Variants in ZNF366 observed in about 807,000 individuals in gnomAD.
ZNF366 encodes the protein zinc finger protein 366, also known as dendritic cell-specific transcript protein.
A neutral mutation model predicts 47.2 loss-of-function variants in ZNF366; 20 were observed. That is an observed-to-expected ratio of 0.42 (90% confidence interval 0.30 to 0.62). The LOEUF (loss-of-function observed/expected upper bound fraction) is 0.62, where lower values mean the gene tolerates loss of function less well. ZNF366 is among the 20% of genes least tolerant of loss of function. The probability of loss-of-function intolerance (pLI) is 0.16; values close to 1 mark genes in which losing one functional copy is unlikely to be tolerated. For synonymous variants in ZNF366, 421 were observed against 395.1 expected, an observed-to-expected ratio of 1.07 and a Z score of -0.78; for missense variants, 987 against 976.3, an observed-to-expected ratio of 1.01 and a Z score of -0.15.
chr5:72,455,885 T>C (rs1419925953), intron 3 of ZNF366, among the ~76,000 whole-genome samples: 1 of 151,980 alleles, frequency 6.6e-6, no homozygotes, highest in Non-Finnish European at 1.5e-5. Flanking sequence ...CCTCTCACCG[T>C]CTCTAGGAGG....
chr5:72,478,468 G>A (rs1262347320), intron 1 of ZNF366, among the ~76,000 whole-genome samples: 2 of 152,192 alleles, frequency 1.3e-5, no homozygotes, highest in East Asian at 3.9e-4. Flanking sequence ...GTGAGTAAGT[G>A]GCTGAGCTGG....
rs1322985760 is a variant in ZNF366 at position 72,443,900 on chromosome 5, A to G, written c.2091T>C (p.Asp697=). The change falls in exon 5 of 5, where the codon GAT becomes GAC. Residue 697 remains aspartate, a synonymous_variant. Transcript: ENST00000318442. ...GGQERDCAGR[D]ECLSLRAFQS... is the part of the protein sequence containing the mutation. ...GAAAAGCCCTGAGACTGAGACACTC[A>G]TCTCTGCCGGCACAGTCTCTCTCCT... 1 of 1,614,106 alleles carries G rather than the reference A, an allele frequency of 6.2e-7. No homozygotes were observed. The highest frequency in any genetic ancestry group is 1.7e-5 in the Admixed American group (1 of 60,012).
intron 1 of ZNF366, among the ~76,000 whole-genome samples, chr5:72,499,555 A>G (rs1389366577): frequency 4.1e-5 from 6 of 147,998 alleles, no homozygotes; most frequent in African/African-American, 7.5e-5. Flanking sequence ...TAAGCATAGA[A>G]CTCTTTGGTA....
At chr5:72,493,701 T>C (rs1232514332) in intron 1 of ZNF366, 1 of 152,136 alleles carries the variant, frequency 6.6e-6, no homozygotes, top group African/African-American at 2.4e-5. Context: ...ACATTACTAA[T>C]AAGTTAGAAA....
intron 3 of ZNF366, among the ~76,000 whole-genome samples, chr5:72,453,765 A>C (rs1743125752): frequency 6.6e-6 from 1 of 152,152 alleles, no homozygotes; most frequent in African/African-American, 2.4e-5. Flanking sequence ...GAAGACCCTG[A>C]CTGTATGCTT....
intron 1 of ZNF366, among the ~76,000 whole-genome samples, chr5:72,469,192 G>A (rs936093193): frequency 1.2e-4 from 18 of 152,058 alleles, no homozygotes; most frequent in Non-Finnish European, 4.4e-5. Flanking sequence ...AGCCATCTGT[G>A]GAAGGAGCCT....
intron 1 of ZNF366, among the ~76,000 whole-genome samples, chr5:72,464,651 A>T (rs775586666): frequency 2.4e-4 from 36 of 152,206 alleles, no homozygotes; most frequent in Non-Finnish European, 4.4e-5. Flanking sequence ...ACGTATCTTA[A>T]TGTCATAATA....
At chr5:72,450,968 G>A (rs544261400) in intron 3 of ZNF366, among the ~76,000 whole-genome samples, 55 of 152,334 alleles carry the variant, frequency 3.6e-4, no homozygotes, top group African/African-American at 1.3e-3. Context: ...GGGGATGGGA[G>A]TTAGACGAGA....
intron 1 of ZNF366, among the ~76,000 whole-genome samples, chr5:72,469,672 A>G (rs1342206299): frequency 1.3e-5 from 2 of 152,204 alleles, no homozygotes; most frequent in Admixed American, 1.3e-4. Flanking sequence ...GCATTAAGTT[A>G]TCCTTCAAGG....
At chr5:72,505,298 C>T (rs946077164) in intron 1 of ZNF366, among the ~76,000 whole-genome samples, 6 of 152,166 alleles carry the variant, frequency 3.9e-5, no homozygotes, top group Admixed American at 6.5e-5. Context: ...TGAAACTAGT[C>T]GATGGCTTTT....
Position 72,443,544 on chromosome 5 carries a change from T to A in ZNF366, c.*212A>T, listed in dbSNP as rs566301102. 1.9e-6 allele frequency: 1 copy of A among 529,758 alleles called. No homozygotes were observed. The highest frequency in any genetic ancestry group is 3.1e-5 in the South Asian group (1 of 32,522). The allele number at this position is 529,758 out of a possible 1,614,324, so 32.8% of individuals were successfully genotyped here. ...ATACTGGCAATGCATAAAACGCCAC[T>A]GATGAAGACCCTGCACATGTGTGAA... On this transcript the variant is annotated 3_prime_UTR_variant, in exon 5 of 5. Coordinates refer to ENST00000318442, the MANE Select transcript of ZNF366 (RefSeq NM_152625.3).
chr5:72,443,964 TCC>T lies in ZNF366; in HGVS notation c.2025_2026del (p.Trp675Ter). The stretch of plus-strand genomic sequence containing the variant: ...CCCAAGGTCACCCTTGCTCCTCTTC[TCC>T]CATTCTCCCTTGGATGCATCCTCCT... On this transcript the variant is annotated stop_gained and frameshift_variant, in exon 5 of 5. Coordinates refer to ENST00000318442, the MANE Select transcript of ZNF366 (RefSeq NM_152625.3). LOFTEE classifies it high-confidence loss of function. 6.2e-7 allele frequency: 1 copy of T among 1,614,138 alleles called. No individual in the cohort carries two copies. Among genetic ancestry groups the T allele is most frequent in the Non-Finnish European group, 8.5e-7 (1 of 1,180,010 alleles).
At chr5:72,470,580 G>T (rs187040363) in intron 1 of ZNF366, among the ~76,000 whole-genome samples, 94 of 152,276 alleles carry the variant, frequency 6.2e-4, no homozygotes, top group Middle Eastern at 3.4e-3. Flanking sequence ...ACATAGTTTG[G>T]TTAGAAAGTC....
At chr5:72,499,307 A>AT (rs1267547660) in intron 1 of ZNF366, among the ~76,000 whole-genome samples, 1 of 152,080 alleles carries the variant, frequency 6.6e-6, no homozygotes. Flanking sequence ...TGCATCACTG[A>AT]TTGTTTCCTG....
chr5:72,462,681 G>A, intron 1 of ZNF366, among the ~76,000 whole-genome samples: 1 of 151,730 alleles, frequency 6.6e-6, no homozygotes, highest in South Asian at 2.1e-4. Flanking sequence ...CTCCTGAGTA[G>A]CTGAGATTAC....
At chr5:72,493,675 A>C (rs1744056207) in intron 1 of ZNF366, 1 of 152,230 alleles carries the variant, frequency 6.6e-6, no homozygotes, top group Non-Finnish European at 1.5e-5. Context: ...AAGTTTAAAA[A>C]ATAAACCCAT....
chr5:72,460,783 G>A lies in ZNF366; in HGVS notation c.714C>T (p.Ile238=). ...CCACGTCCACGTAGTAGCTGTCATCGATCTGCACGTTCACGTCCACCCTCT... is the reference window on the plus strand; with the variant it reads ...CCACGTCCACGTAGTAGCTGTCATCAATCTGCACGTTCACGTCCACCCTCT... ...KVERVDVNVQ[I]DDSYYVDVGG... is the part of the protein sequence containing the mutation. The change falls in exon 2 of 5, where the codon ATC becomes ATT. Residue 238 remains isoleucine, a synonymous_variant. Coordinates refer to ENST00000318442, the MANE Select transcript of ZNF366 (RefSeq NM_152625.3). 2 of 1,614,206 alleles carry A rather than the reference G, an allele frequency of 1.2e-6. No homozygotes were observed. The highest frequency in any genetic ancestry group is 1.7e-6 in the Non-Finnish European group (2 of 1,180,046).
At chr5:72,478,430 A>G (rs2112341878) in intron 1 of ZNF366, among the ~76,000 whole-genome samples, 1 of 152,334 alleles carries the variant, frequency 6.6e-6, no homozygotes, top group African/African-American at 2.4e-5. Flanking sequence ...AAAGCATAGA[A>G]AGGAACTGGC....
Position 72,460,638 on chromosome 5 carries a change from C to G in ZNF366, c.859G>C (p.Gly287Arg). The change falls in exon 2 of 5, where the codon GGG becomes CGG. Residue 287 changes from glycine to arginine, a missense_variant. This residue lies in a region of ZNF366 where 591 missense variants were observed against 560.9 expected (regional missense o/e 1.05). Transcript: ENST00000318442. ...TGGCTGAGCTGCTTGAAGAGCTTCC[C>G]GCAGTGCGTGCACGCGTGCGGCTTG... ...GIKPHACTHCGKLFKQLSHLH... is the reference protein window; with the variant it reads ...GIKPHACTHCRKLFKQLSHLH... 1.2e-6 allele frequency: 2 copies of G among 1,614,224 alleles called. No homozygotes were observed. Among genetic ancestry groups the G allele is most frequent in the South Asian group, 1.1e-5 (1 of 91,088 alleles).
Sources: gnomAD v4.1 joint callset for allele counts (sites outside exome capture counted in the v4.1 genomes callset) on GRCh38, gnomAD v4.1.1 for gene constraint, gnomAD v4.1.1 regional missense constraint, MANE v1.5 for transcripts, NCBI Gene and HGNC (gene_info 2026-07-23, HGNC 2026-07-21) for gene names.